Variants in KIAA1217 observed in about 807,000 individuals in gnomAD.
KIAA1217 encodes sickle tail protein homolog.
Under a neutral mutation model 163.9 loss-of-function variants are expected in KIAA1217, and 88 were observed. The ratio of observed to expected loss-of-function variants is 0.54; its 90% CI spans 0.45 to 0.64. The LOEUF (loss-of-function observed/expected upper bound fraction) is 0.64, where lower values mean the gene tolerates loss of function less well. Ranked by LOEUF, KIAA1217 falls within the 30% of genes least tolerant of loss-of-function variation. The pLI, the probability that KIAA1217 is intolerant of heterozygous loss-of-function variation, is 0.00. For synonymous variants in KIAA1217, 903 were observed against 923.1 expected (o/e 0.98, Z 0.39); for missense variants, 2,372 against 2,475.0 (o/e 0.96, Z 0.88).
intron 2 of KIAA1217, among the ~76,000 whole-genome samples, chr10:24,013,960 G>T (rs922954048): frequency 2.0e-5 from 3 of 152,154 alleles, no homozygotes; most frequent in African/African-American, 7.2e-5. Context: ...CACTGTCTGA[G>T]AATATTCAAC....
In KIAA1217 at chr10:24,436,112, C is replaced by T. The variant is rs187266195; in HGVS notation, c.753-2274C>T. Among the ~76,000 whole-genome samples the T allele has an allele frequency of 2.1e-3, 327 of 152,138 alleles. 1 individual carries two copies. The highest frequency in any genetic ancestry group is 0.014 in the East Asian group (71 of 5,150). On this transcript the variant is annotated intron_variant, in intron 4 of 20. Transcript: ENST00000376454. ...CTGACCTCAAGTGATCTGCCCACCTCGGCCTCCCAAAGTGCTGGGATTATA... is the reference window on the plus strand; with the variant it reads ...CTGACCTCAAGTGATCTGCCCACCTTGGCCTCCCAAAGTGCTGGGATTATA...
chr10:24,175,695 G>A (rs2065850328), intron 2 of KIAA1217, among the ~76,000 whole-genome samples: 1 of 152,148 alleles, frequency 6.6e-6, no homozygotes, highest in Non-Finnish European at 1.5e-5. Flanking sequence ...CTGATATTCA[G>A]ATGTGTTTGG....
rs1411607375 is a variant in KIAA1217 at position 24,048,847 on chromosome 10, A to G, written c.-171+41473A>G. On this transcript the variant is annotated intron_variant, in intron 2 of 18. Transcript: ENST00000376462. ...GGGGTTCGAGACCAGCCTGACCAAC[A>G]TGGTGAAACCCCATCTCTACTAAAA... Among the ~76,000 whole-genome samples the G allele has an allele frequency of 2.6e-5, 4 of 151,946 alleles. No individual in the cohort carries two copies. The East Asian group carries it at 5.8e-4, about 22-fold the overall frequency.
At chr10:23,763,742 C>G (rs1300668016) in intron 1 of KIAA1217, among the ~76,000 whole-genome samples, 1 of 152,126 alleles carries the variant, frequency 6.6e-6, no homozygotes, top group African/African-American at 2.4e-5. Context: ...ACAGTCTGCA[C>G]ATACACAAAG....
At position 23,748,386 on chromosome 10, in the gene KIAA1217, T is replaced by G. The variant is rs538242626; in HGVS notation, c.-321+53152T>G. ...CCCATGTGATTTGTTTACCCAGAAT[T>G]TTCTTAGCATCTAGCACAGCCCCAG... On this transcript the variant is annotated intron_variant, in intron 1 of 18. Transcript: ENST00000376462. Among the ~76,000 whole-genome samples, 4 of 151,492 alleles carry G rather than the reference T, an allele frequency of 2.6e-5. No individual in the cohort carries two copies. The South Asian group carries it at 8.4e-4, about 32-fold the overall frequency.
chr10:23,966,609 G>A (rs1314361547), intron 1 of KIAA1217, among the ~76,000 whole-genome samples: 1 of 152,138 alleles, frequency 6.6e-6, no homozygotes, highest in Non-Finnish European at 1.5e-5. Flanking sequence ...GAATAAAAAC[G>A]ATGCTCTCAT....
chr10:24,123,243 A>G (rs535922752), intron 2 of KIAA1217, among the ~76,000 whole-genome samples: 49 of 152,224 alleles, frequency 3.2e-4, no homozygotes, highest in African/African-American at 1.1e-3. Context: ...TTTAAAATAC[A>G]TAAAGCATAG....
intron 1 of KIAA1217, among the ~76,000 whole-genome samples, chr10:23,751,548 G>T (rs1021922133): frequency 6.6e-6 from 1 of 151,314 alleles, no homozygotes; most frequent in Non-Finnish European, 1.5e-5. Context: ...TTTTTAAGAT[G>T]CCATTTCTCC....
Position 24,018,577 on chromosome 10 carries a change from T to TA in KIAA1217, c.-171+11205dup, listed in dbSNP as rs201940835. ...GCATAATAATAATAAAAAATAATAA[T>TA]AATAAATAAATAAATAAAATTAAAA... On this transcript the variant is annotated intron_variant, in intron 2 of 18. Coordinates refer to the KIAA1217 transcript ENST00000376462. Among the ~76,000 whole-genome samples, 1,242 of 151,164 alleles carry TA rather than the reference T, an allele frequency of 8.2e-3. 20 individuals carry two copies. The highest frequency in any genetic ancestry group is 0.029 in the African/African-American group (1,183 of 41,330).
intron 17 of KIAA1217, among the ~76,000 whole-genome samples, chr10:24,540,440 G>A (rs2074850062): frequency 6.6e-6 from 1 of 152,014 alleles, no homozygotes; most frequent in African/African-American, 2.4e-5. Context: ...CACCATGTTG[G>A]TCAGGCTGGT....
At chr10:24,363,567 GTT>G (rs1176059578) in intron 2 of KIAA1217, among the ~76,000 whole-genome samples, 5 of 128,410 alleles carry the variant, frequency 3.9e-5, no homozygotes, top group Non-Finnish European at 6.7e-5. Context: ...TTTTGTTTTT[GTT>G]TTTTTTTTTT....
At chr10:24,321,971 C>T (rs1564469203) in intron 2 of KIAA1217, among the ~76,000 whole-genome samples, 1 of 151,952 alleles carries the variant, frequency 6.6e-6, no homozygotes, top group Admixed American at 6.6e-5. Context: ...TTTTTTGAGA[C>T]AGGGTCTCGC....
At chr10:23,752,194 T>C (rs1839772635) in intron 1 of KIAA1217, among the ~76,000 whole-genome samples, 1 of 152,212 alleles carries the variant, frequency 6.6e-6, no homozygotes, top group African/African-American at 2.4e-5. Flanking sequence ...TTTTCATCAA[T>C]TCCTAGAATC....
At chr10:24,457,393 G>A (rs943426572) in intron 5 of KIAA1217, among the ~76,000 whole-genome samples, 3 of 149,206 alleles carry the variant, frequency 2.0e-5, no homozygotes, top group East Asian at 4.0e-4. Context: ...GGTTTGGGGG[G>A]AACAGGATCG....
chr10:24,374,809 G>A (rs1439707770), intron 2 of KIAA1217, among the ~76,000 whole-genome samples: 1 of 152,018 alleles, frequency 6.6e-6, no homozygotes, highest in Admixed American at 6.6e-5. Flanking sequence ...TTTTAGAGAT[G>A]GGAGTCTTGT....
chr10:24,270,518 G>A (rs1484947769), intron 2 of KIAA1217, among the ~76,000 whole-genome samples: 4 of 152,064 alleles, frequency 2.6e-5, no homozygotes, highest in Non-Finnish European at 4.4e-5. Context: ...AACAGCAATC[G>A]ATTAAGCTAT....
At chr10:24,185,102 A>G (rs2066359067) in intron 2 of KIAA1217, among the ~76,000 whole-genome samples, 1 of 152,198 alleles carries the variant, frequency 6.6e-6, no homozygotes, top group Non-Finnish European at 1.5e-5. Flanking sequence ...ACTAGTCTCT[A>G]TTCTCCACCA....
intron 5 of KIAA1217, among the ~76,000 whole-genome samples, chr10:24,462,410 A>T (rs2062502593): frequency 6.6e-6 from 1 of 152,202 alleles, no homozygotes; most frequent in South Asian, 2.1e-4. Context: ...AAATCGAATA[A>T]GGAATCCATC....
intron 2 of KIAA1217, among the ~76,000 whole-genome samples, chr10:24,060,844 A>G (rs919190408): frequency 1.3e-5 from 2 of 151,956 alleles, no homozygotes; most frequent in African/African-American, 4.8e-5. Flanking sequence ...AAATATACTG[A>G]CCTTTGTTTT....
Sources: gnomAD v4.1 joint callset for allele counts (sites outside exome capture counted in the v4.1 genomes callset) on GRCh38, gnomAD v4.1.1 for gene constraint, MANE v1.5 for transcripts, NCBI Gene and HGNC (gene_info 2026-07-23, HGNC 2026-07-21) for gene names.